RCN2: variants seen among roughly 807,000 people sequenced by gnomAD.
RCN2 encodes reticulocalbin-2.
Under a neutral mutation model 37.5 loss-of-function variants are expected in RCN2, and 23 were observed. That is an observed-to-expected ratio of 0.61 (90% CI 0.44 to 0.87). RCN2 has a LOEUF of 0.87. Among genes scored for constraint, RCN2 ranks in the 40% least tolerant of loss-of-function variants. The pLI is 0.00. For missense variants in RCN2, 381 were observed against 390.4 expected (o/e 0.98, Z 0.20); for synonymous variants, 140 against 144.6 (o/e 0.97, Z 0.23).
intron 4 of RCN2, 79 bp downstream of exon 4, chr15:76,943,950 A>C (rs1611866): frequency 0.1 from 66,300 of 642,976 alleles, 3,839 homozygotes; most frequent in East Asian, 0.12. Flanking sequence ...TTGTGGGTAC[A>C]TAGTAGGTAT....
In RCN2 at chr15:76,950,723, T is replaced by C. The variant is rs2075317242; in HGVS notation, c.*1501T>C. On this transcript the variant is annotated 3_prime_UTR_variant, in exon 7 of 7. Transcript: ENST00000394885. Reference sequence around the variant, plus strand: ...TCATTCTTTAAATCACTTTTATTTGTGGGTGAAGAGGTCAGCTATGCATTC... The same window carrying C: ...TCATTCTTTAAATCACTTTTATTTGCGGGTGAAGAGGTCAGCTATGCATTC... 6.6e-6 allele frequency: 1 copy of C among 152,192 alleles called. No homozygotes were observed. The highest frequency in any genetic ancestry group is 2.4e-5 in the African/African-American group (1 of 41,452). 9.4% of individuals were successfully genotyped at this position (152,192 alleles called of 1,614,324 possible). A position where few individuals can be genotyped will look rare whatever the true frequency, so the allele number is the denominator to read the frequency against.
intron 3 of RCN2, among the ~76,000 whole-genome samples, chr15:76,937,239 T>A (rs763048719): frequency 4.6e-5 from 7 of 152,182 alleles, no homozygotes; most frequent in Non-Finnish European, 1.0e-4. Context: ...GAAATGCTCA[T>A]TGAAGCATCT....
In RCN2 at chr15:76,932,392, A is replaced by G. The variant is rs767610268; in HGVS notation, c.176A>G (p.His59Arg). The G allele has an allele frequency of 1.9e-5, 31 of 1,613,940 alleles. No individual in the cohort carries two copies. In the South Asian group the frequency reaches 3.2e-4, roughly 17 times the overall value. Residue 59 changes from histidine to arginine, a missense_variant, in exon 2 of 7, where the codon CAC (histidine) becomes CGC (arginine). Physicochemically the swap from His to Arg is conservative, Grantham distance 29. Coordinates refer to ENST00000394885, the MANE Select transcript of RCN2 (RefSeq NM_002902.3). ...GTGGATGAATATGTTAAACTCGGCCACGAAGAGCAGCAAAAAAGACTGCAG... is the reference window on the plus strand; with the variant it reads ...GTGGATGAATATGTTAAACTCGGCCGCGAAGAGCAGCAAAAAAGACTGCAG... ...EDVDEYVKLG[H>R]EEQQKRLQAI...
intron 3 of RCN2, chr15:76,941,901 G>T: frequency 2.7e-6 from 1 of 376,638 alleles, no homozygotes; most frequent in Non-Finnish European, 4.7e-6. Context: ...GGAAATCAAA[G>T]CACTTGGTAT....
intron 3 of RCN2, chr15:76,938,838 G>C (rs2075264248): frequency 9.0e-6 from 4 of 443,402 alleles, no homozygotes; most frequent in Non-Finnish European, 1.8e-5. Context: ...ACTTTCATGT[G>C]CCTCAGTTTC....
In RCN2 at chr15:76,935,550, T is replaced by G. The variant is rs779878227; in HGVS notation, c.275T>G (p.Met92Arg). 8 of 1,613,086 alleles carry G rather than the reference T, an allele frequency of 5.0e-6. No individual in the cohort carries two copies. The Admixed American group carries it at 1.3e-4, about 27-fold the overall frequency. ...TESELSSWIQMSFKHYAMQEA... is the reference protein window; with the variant it reads ...TESELSSWIQRSFKHYAMQEA... ...GGTGAACTCAGTTCATGGATTCAGA[T>G]GTCTTTTAAGCATTATGCTATGCAA... is the stretch of plus-strand genomic sequence containing the variant. Residue 92 changes from methionine to arginine, a missense_variant, in exon 3 of 7, where the codon ATG (methionine) becomes AGG (arginine). By Grantham distance (91) the Met-to-Arg change is moderately conservative. Transcript: ENST00000394885.
intron 1 of RCN2, 76 bp downstream of exon 1, chr15:76,932,061 GGGGGCGGCCGGGCGAGGCCTGGCA>G: frequency 4.1e-6 from 5 of 1,228,346 alleles, no homozygotes; most frequent in African/African-American, 1.6e-5. Context: ...CGGGACAAAG[GGGGGCGGCCGGGCGAGGCCTGGCA>G]GGGGCGGCCT....
chr15:76,941,760 C>A, intron 3 of RCN2: 1 of 581,486 alleles, frequency 1.7e-6, no homozygotes, highest in Non-Finnish European at 2.6e-6. Flanking sequence ...ACCCCCTTCA[C>A]TTTTTTTTTT....
intron 3 of RCN2, among the ~76,000 whole-genome samples, chr15:76,939,196 A>G (rs1215405139): frequency 6.6e-6 from 1 of 151,956 alleles, no homozygotes; most frequent in Non-Finnish European, 1.5e-5. Flanking sequence ...ATGCCACTAC[A>G]CTGCAGCCTG....
At chr15:76,933,063 T>C (rs1331041556) in intron 2 of RCN2, among the ~76,000 whole-genome samples, 2 of 152,152 alleles carry the variant, frequency 1.3e-5, no homozygotes, top group Non-Finnish European at 2.9e-5. Context: ...ATTCAGGTTT[T>C]AATATCCTTC....
chr15:76,934,993 T>C (rs2075240766), intron 2 of RCN2, among the ~76,000 whole-genome samples: 1 of 152,196 alleles, frequency 6.6e-6, no homozygotes, highest in Non-Finnish European at 1.5e-5. Flanking sequence ...ACCCAAACTT[T>C]TATGGAGCTT....
chr15:76,953,759 C>T lies in RCN2; in HGVS notation c.*4537C>T, dbSNP rs988988535. 54 of 40,122 alleles carry T rather than the reference C, an allele frequency of 1.3e-3. No individual in the cohort carries two copies. Among genetic ancestry groups the T allele is most frequent in the Admixed American group, 2.6e-3 (7 of 2,696 alleles). The allele number at this position is 40,122 out of a possible 1,614,324, so 2.5% of individuals were successfully genotyped here. A position where few individuals can be genotyped will look rare whatever the true frequency, so the allele number is the denominator to read the frequency against. On this transcript the variant is annotated 3_prime_UTR_variant, in exon 7 of 7. Transcript: ENST00000394885. ...AGTAGCTGGGACTATAGGCGCCTGC[C>T]ACCGCACCCGGCTAATTTTTTGTAT...
intron 3 of RCN2, among the ~76,000 whole-genome samples, chr15:76,940,669 C>A (rs2075273416): frequency 6.6e-6 from 1 of 151,552 alleles, no homozygotes. Context: ...CTGCCTCAGC[C>A]TCCTGAGTAG....
chr15:76,948,921 C>A, intron 6 of RCN2, 149 bp from the exon 7 acceptor site: 2 of 728,664 alleles, frequency 2.7e-6, no homozygotes, highest in Non-Finnish European at 4.4e-6. Context: ...GTAGACGGAC[C>A]TGGTTACAAC....
At chr15:76,932,221 G>A (rs1037969990) in intron 1 of RCN2, 140 bp from the exon 2 acceptor site, 31 of 753,368 alleles carry the variant, frequency 4.1e-5, no homozygotes, top group Non-Finnish European at 5.5e-5. Context: ...GGTGTGTAGG[G>A]GGTAGGGGCC....
In RCN2 at chr15:76,949,374, G is replaced by T; in HGVS notation, c.*152G>T. The T allele has an allele frequency of 1.8e-6, 1 of 548,430 alleles. No homozygotes were observed. The highest frequency in any genetic ancestry group is 2.8e-6 in the Non-Finnish European group (1 of 353,244). The allele number at this position is 548,430 out of a possible 1,614,324, so 34.0% of individuals were successfully genotyped here. A position where few individuals can be genotyped will look rare whatever the true frequency, so the allele number is the denominator to read the frequency against. On this transcript the variant is annotated 3_prime_UTR_variant, in exon 7 of 7. Transcript: ENST00000394885. The stretch of plus-strand genomic sequence containing the variant: ...TGTAGATTATAATTTTGGTCTTTTA[G>T]GAAAAAAAAACAAAAATCTGATATT...
At chr15:76,945,087 C>T (rs1426283780) in intron 4 of RCN2, among the ~76,000 whole-genome samples, 2 of 152,210 alleles carry the variant, frequency 1.3e-5, no homozygotes, top group South Asian at 2.1e-4. Context: ...GATGCTCATT[C>T]TCCCCACTTA....
At chr15:76,939,988 G>T (rs574225435) in intron 3 of RCN2, among the ~76,000 whole-genome samples, 2 of 152,232 alleles carry the variant, frequency 1.3e-5, no homozygotes, top group East Asian at 3.9e-4. Flanking sequence ...TTCTCCACCA[G>T]CTACTTAGAA....
Position 76,943,745 on chromosome 15 carries a change from T to C in RCN2, c.448-13T>C. 1 of 1,488,966 alleles carries C rather than the reference T, an allele frequency of 6.7e-7. No individual in the cohort carries two copies. Among genetic ancestry groups the C allele is most frequent in the Non-Finnish European group, 9.3e-7 (1 of 1,075,886 alleles). 92.2% of individuals were successfully genotyped at this position (1,488,966 alleles called of 1,614,324 possible). The stretch of plus-strand genomic sequence containing the variant: ...TGATGTGGTATACTAATGAGAAATT[T>C]TAATTTTCAAAGCTTCACTTAAAGG... On this transcript the variant is annotated splice_polypyrimidine_tract_variant and intron_variant, in intron 3 of 6. Coordinates refer to ENST00000394885, the MANE Select transcript of RCN2 (RefSeq NM_002902.3).
Sources: allele counts gnomAD v4.1 joint callset (sites outside exome capture counted in the v4.1 genomes callset), GRCh38; gene constraint gnomAD v4.1.1; transcripts MANE v1.5; gene names NCBI Gene and HGNC (gene_info 2026-07-23, HGNC 2026-07-21).